GRID2: variants seen among roughly 807,000 people sequenced by gnomAD.
GRID2 encodes glutamate receptor ionotropic, delta-2.
In GRID2, 33 loss-of-function variants were observed where a neutral mutation model predicts 114.8. The ratio of observed to expected loss-of-function variants is 0.29; its 90% confidence interval spans 0.22 to 0.38. The LOEUF is 0.38. GRID2 is among the 10% of genes least tolerant of loss of function. The pLI is 1.00. For missense variants in GRID2, 1,184 were observed against 1,257.7 expected, an observed-to-expected ratio of 0.94 and a Z score of 0.89; for synonymous variants, 505 against 449.9, an observed-to-expected ratio of 1.12 and a Z score of -1.55.
intron 4 of GRID2, among the ~76,000 whole-genome samples, chr4:93,195,444 ATGTACTTACTTCCAGCTCCAC>A (rs1741391494): frequency 6.6e-6 from 1 of 152,148 alleles, no homozygotes; most frequent in African/African-American, 2.4e-5. Flanking sequence ...TGAAACATTT[ATGTACTTACTTCCAGCTCCAC>A]TGTTTGAGAG....
At chr4:93,182,131 G>C (rs1739950323) in intron 4 of GRID2, among the ~76,000 whole-genome samples, 2 of 152,090 alleles carry the variant, frequency 1.3e-5, no homozygotes, top group African/African-American at 4.8e-5. Flanking sequence ...CATTTTTAGT[G>C]TTTAAAATGA....
chr4:92,990,503 C>T (rs987118876), intron 2 of GRID2, among the ~76,000 whole-genome samples: 8 of 151,270 alleles, frequency 5.3e-5, no homozygotes, highest in Non-Finnish European at 7.4e-5. Flanking sequence ...AGAGACGGTG[C>T]GGGGATTCAT....
At chr4:92,598,795 G>A (rs1298214533) in intron 2 of GRID2, among the ~76,000 whole-genome samples, 1 of 152,064 alleles carries the variant, frequency 6.6e-6, no homozygotes, top group East Asian at 1.9e-4. Context: ...TTTAATGATA[G>A]TGCTGTATGT....
At chr4:92,482,016 A>C (rs1209154396) in intron 1 of GRID2, among the ~76,000 whole-genome samples, 1 of 67,000 alleles carries the variant, frequency 1.5e-5, no homozygotes, top group Admixed American at 1.5e-4. Context: ...ATATATATAT[A>C]TATATATATA....
intron 9 of GRID2, among the ~76,000 whole-genome samples, chr4:93,412,359 A>G (rs1767282473): frequency 6.6e-6 from 1 of 151,968 alleles, no homozygotes; most frequent in Non-Finnish European, 1.5e-5. Flanking sequence ...GTGCCATTGC[A>G]CTTCAACCTG....
chr4:92,963,700 T>G (rs2149159655), intron 2 of GRID2, among the ~76,000 whole-genome samples: 1 of 152,146 alleles, frequency 6.6e-6, no homozygotes, highest in East Asian at 1.9e-4. Flanking sequence ...GTTGATCACC[T>G]CCCATGAATC....
intron 1 of GRID2, among the ~76,000 whole-genome samples, chr4:92,530,508 G>GAAAAA (rs70942906): frequency 0.015 from 1,556 of 107,124 alleles, 49 homozygotes; most frequent in African/African-American, 0.05. Context: ...GACTAGTACA[G>GAAAAA]AAAAAAAAAA....
chr4:92,876,467 G>C (rs1377599855), intron 2 of GRID2, among the ~76,000 whole-genome samples: 1 of 151,842 alleles, frequency 6.6e-6, no homozygotes, highest in South Asian at 2.1e-4. Flanking sequence ...ACCACACCTG[G>C]CTAATTTTTT....
rs1727575672 is a variant in GRID2, at chr4:93,702,234, G to A, written c.2361-66976G>A. ...TAAATAGATTCCATACACCAAGAAT[G>A]TCTAGATTTCAATGCATTCTGCATT... is the stretch of plus-strand genomic sequence containing the variant. On this transcript the variant is annotated intron_variant, in intron 14 of 15. Transcript: ENST00000282020. Among the ~76,000 whole-genome samples, 4 of 152,208 alleles carry A rather than the reference G, an allele frequency of 2.6e-5. No individual in the cohort carries two copies. In the South Asian group the frequency reaches 8.3e-4, roughly 32 times the overall value.
At position 92,304,074 on chromosome 4, in the gene GRID2, C is replaced by T. The variant is rs1467234737; in HGVS notation, c.-583C>T. ...TTACCTTGAAGTTCACTTTTTCTAC[C>T]CCTCTTGGAGAGGGCTTTTTTCCCC... On this transcript the variant is annotated 5_prime_UTR_variant, in exon 1 of 16. Transcript: ENST00000282020. 1 of 154,590 alleles carries T rather than the reference C, an allele frequency of 6.5e-6. No individual in the cohort carries two copies. The highest frequency in any genetic ancestry group is 1.9e-4 in the East Asian group (1 of 5,216). The allele number at this position is 154,590 out of a possible 1,614,324, so 9.6% of individuals were successfully genotyped here.
At chr4:93,068,153 C>G (rs559202371) in intron 2 of GRID2, among the ~76,000 whole-genome samples, 1 of 152,104 alleles carries the variant, frequency 6.6e-6, no homozygotes, top group Admixed American at 6.6e-5. Flanking sequence ...GCATTTTATG[C>G]TAAGCTATAC....
chr4:92,359,349 T>C (rs144819286), intron 1 of GRID2, among the ~76,000 whole-genome samples: 85 of 152,102 alleles, frequency 5.6e-4, no homozygotes, highest in African/African-American at 1.9e-3. Flanking sequence ...TTTTGAGTCA[T>C]ACAGTCCTAA....
intron 4 of GRID2, among the ~76,000 whole-genome samples, chr4:93,198,125 A>G (rs1425825178): frequency 5.3e-5 from 8 of 152,162 alleles, no homozygotes; most frequent in Non-Finnish European, 2.9e-5. Flanking sequence ...AATCTGACCC[A>G]TTCCTAGCAA....
intron 2 of GRID2, among the ~76,000 whole-genome samples, chr4:93,060,401 C>A (rs976122467): frequency 6.6e-6 from 1 of 152,080 alleles, no homozygotes; most frequent in Non-Finnish European, 1.5e-5. Flanking sequence ...ATTTGTGTTT[C>A]CATGGAAGGA....
intron 1 of GRID2, among the ~76,000 whole-genome samples, chr4:92,463,318 T>TCTAA (rs1237310593): frequency 6.6e-6 from 1 of 151,970 alleles, no homozygotes; most frequent in African/African-American, 2.4e-5. Context: ...ATCACTTGTA[T>TCTAA]CTAATATGTG....
intron 2 of GRID2, among the ~76,000 whole-genome samples, chr4:92,715,171 T>C (rs1458058197): frequency 6.6e-6 from 1 of 152,158 alleles, no homozygotes; most frequent in Non-Finnish European, 1.5e-5. Flanking sequence ...GTTCCACACA[T>C]TTCTAGGACA....
intron 1 of GRID2, among the ~76,000 whole-genome samples, chr4:92,554,887 C>T (rs1221928732): frequency 6.6e-6 from 1 of 152,242 alleles, no homozygotes; most frequent in Non-Finnish European, 1.5e-5. Flanking sequence ...TCAATTTTCT[C>T]ACCTTTTGTC....
intron 1 of GRID2, among the ~76,000 whole-genome samples, chr4:92,581,463 C>G (rs529854230): frequency 7.9e-5 from 12 of 152,170 alleles, no homozygotes; most frequent in Admixed American, 2.0e-4. Flanking sequence ...AGACACACAG[C>G]AGTCAGACTT....
At chr4:92,843,157 G>A (rs111781847) in intron 2 of GRID2, among the ~76,000 whole-genome samples, 65 of 152,094 alleles carry the variant, frequency 4.3e-4, no homozygotes, top group Admixed American at 9.2e-4. Context: ...TGGGAGAATC[G>A]CTTGAACCAG....
Sources: allele counts gnomAD v4.1 joint callset (sites outside exome capture counted in the v4.1 genomes callset), GRCh38; gene constraint gnomAD v4.1.1; transcripts MANE v1.5; gene names NCBI Gene and HGNC (gene_info 2026-07-23, HGNC 2026-07-21).